FMN1: variants seen among roughly 807,000 people sequenced by gnomAD.
FMN1 encodes the protein formin-1.
FMN1 carries 110 observed loss-of-function variants against 132.4 expected under a neutral mutation model. The observed-to-expected ratio is 0.83, with a 90% CI of 0.71 to 0.97. FMN1 has a LOEUF of 0.97. FMN1 is among the 50% of genes least tolerant of loss of function. The probability of loss-of-function intolerance (pLI) is 0.00; values close to 1 mark genes in which losing one functional copy is unlikely to be tolerated. For synonymous variants in FMN1, 722 were observed against 651.7 expected, an observed-to-expected ratio of 1.11 and a Z score of -1.64; for missense variants, 1,792 against 1,705.3, an observed-to-expected ratio of 1.05 and a Z score of -0.90.
chr15:33,000,834 A>T (rs1302867521), intron 7 of FMN1, among the ~76,000 whole-genome samples: 2 of 152,220 alleles, frequency 1.3e-5, no homozygotes, highest in Admixed American at 6.5e-5. Flanking sequence ...GATATTTCTC[A>T]AATATATTTG....
At chr15:33,189,329 TA>T in intron 2 of FMN1, among the ~76,000 whole-genome samples, 1 of 152,344 alleles carries the variant, frequency 6.6e-6, no homozygotes, top group Admixed American at 6.5e-5. Flanking sequence ...GCCAATTCTG[TA>T]GATGAAATCC....
chr15:33,018,402 T>G (rs1012352566), intron 6 of FMN1, among the ~76,000 whole-genome samples: 4 of 151,982 alleles, frequency 2.6e-5, no homozygotes. Flanking sequence ...TCCCAACCTA[T>G]GGGGAGGGCA....
intron 7 of FMN1, among the ~76,000 whole-genome samples, chr15:32,984,043 T>G (rs1294383369): frequency 2.0e-5 from 3 of 152,190 alleles, no homozygotes; most frequent in African/African-American, 7.2e-5. Context: ...TTCCCCTGTC[T>G]CTACAGCCTG....
intron 6 of FMN1, among the ~76,000 whole-genome samples, chr15:33,023,055 C>T (rs1018633284): frequency 3.4e-5 from 3 of 88,094 alleles, no homozygotes; most frequent in East Asian, 2.4e-4. Context: ...CCCCCTCCCC[C>T]ACCCAAAAAA....
chr15:33,062,450 T>C (rs1358879022), intron 6 of FMN1, among the ~76,000 whole-genome samples: 1 of 151,932 alleles, frequency 6.6e-6, no homozygotes, highest in African/African-American at 2.4e-5. Flanking sequence ...TGAAACCCCG[T>C]CTCTACTAAA....
intron 18 of FMN1, among the ~76,000 whole-genome samples, chr15:32,802,642 G>A (rs1050948128): frequency 1.3e-5 from 2 of 152,188 alleles, no homozygotes; most frequent in Admixed American, 6.5e-5. Flanking sequence ...GCTAATGCAC[G>A]GCAGCAGTTT....
At chr15:33,072,091 A>C (rs532277066) in intron 5 of FMN1, among the ~76,000 whole-genome samples, 40 of 152,274 alleles carry the variant, frequency 2.6e-4, no homozygotes, top group African/African-American at 8.7e-4. Flanking sequence ...AACAAACAAA[A>C]AAACAACCTT....
In FMN1 at chr15:32,908,524, C is replaced by T. The variant is rs201072930; in HGVS notation, c.3343G>A (p.Glu1115Lys). The T allele has an allele frequency of 4.5e-5, 72 of 1,598,078 alleles. No individual in the cohort carries two copies. The highest frequency in any genetic ancestry group is 8.5e-5 in the Admixed American group (5 of 58,514). ...KIRKYYETSK[E>K]EELKLLDKPE... Reference sequence around the variant, plus strand: ...TTATCCAGCAGCTTCAGTTCTTCTTCTTTGGATGTCTCGTAATACTTTCTT... The same window carrying T: ...TTATCCAGCAGCTTCAGTTCTTCTTTTTTGGATGTCTCGTAATACTTTCTT... Residue 1115 changes from glutamate (E) to lysine (K), a missense_variant, in exon 12 of 21, where the codon GAA (glutamate) becomes AAA (lysine). By Grantham distance (56) the Glu-to-Lys change is moderately conservative (BLOSUM62 1). This residue lies in a region of FMN1 where 1,150 missense variants were observed against 1,043.1 expected (regional missense o/e 1.10). Transcript: ENST00000616417.
At chr15:33,163,592 CTGTTTTGTTT>C (rs71117113) in intron 3 of FMN1, among the ~76,000 whole-genome samples, 2,965 of 144,996 alleles carry the variant, frequency 0.02, 58 homozygotes, top group African/African-American at 0.051. Context: ...CCATGCCTGG[CTGTTTTGTTT>C]TGTTTTGTTT....
intron 5 of FMN1, among the ~76,000 whole-genome samples, chr15:33,078,690 A>T (rs1172964698): frequency 6.6e-6 from 1 of 152,078 alleles, no homozygotes; most frequent in Non-Finnish European, 1.5e-5. Flanking sequence ...ACTTTATGTT[A>T]ACATAGGAGT....
Position 32,774,120 on chromosome 15 carries a change from TC to T in FMN1, c.*189del, listed in dbSNP as rs780500629. On this transcript the variant is annotated 3_prime_UTR_variant, in exon 21 of 21. Coordinates refer to ENST00000616417, the MANE Select transcript of FMN1 (RefSeq NM_001277313.2). ...GTTCCCTTAAATAGTTTTCCATTGT[TC>T]CTGCGGCTTAATGAGGGACTTCTTA... 90 of 603,510 alleles carry T rather than the reference TC, an allele frequency of 1.5e-4. No homozygotes were observed. Among genetic ancestry groups the T allele is most frequent in the Middle Eastern group, 7.5e-4 (3 of 3,992 alleles). 37.4% of individuals were successfully genotyped at this position (603,510 alleles called of 1,614,324 possible). A position where few individuals can be genotyped will look rare whatever the true frequency, so the allele number is the denominator to read the frequency against.
chr15:32,957,998 A>C (rs1018212770), intron 9 of FMN1, among the ~76,000 whole-genome samples: 1 of 152,088 alleles, frequency 6.6e-6, no homozygotes, highest in African/African-American at 2.4e-5. Flanking sequence ...ATGCAATATA[A>C]ATTTGTAATA....
intron 15 of FMN1, among the ~76,000 whole-genome samples, chr15:32,889,802 G>T (rs1432513047): frequency 2.0e-5 from 3 of 152,138 alleles, no homozygotes; most frequent in African/African-American, 7.2e-5. Context: ...AGTTATTGGG[G>T]TAGAGGTGGT....
In FMN1 at chr15:33,016,486, C is replaced by T. The variant is rs1050824785; in HGVS notation, c.2162-8411G>A. Among the ~76,000 whole-genome samples, 3 of 152,280 alleles carry T rather than the reference C, an allele frequency of 2.0e-5. 1 individual carries two copies. Among genetic ancestry groups the T allele is most frequent in the Middle Eastern group, 6.8e-3 (2 of 294 alleles). ...AACAATGCAGTCCTTAGTAACTGTG[C>T]AGTTTGAAGAAAGCATAACCGGTTT... is the stretch of plus-strand genomic sequence containing the variant. On this transcript the variant is annotated intron_variant, in intron 6 of 20. Transcript: ENST00000616417.
At chr15:32,880,496 G>T (rs1596162380) in intron 16 of FMN1, among the ~76,000 whole-genome samples, 1 of 152,034 alleles carries the variant, frequency 6.6e-6, no homozygotes. Context: ...GCCATCCTGG[G>T]CTTTTTCTCT....
intron 6 of FMN1, among the ~76,000 whole-genome samples, chr15:33,053,870 G>A (rs983964691): frequency 6.6e-5 from 10 of 151,580 alleles, no homozygotes; most frequent in African/African-American, 2.2e-4. Context: ...CTATGGTTTA[G>A]CGTTCTTTCC....
chr15:33,030,422 C>T (rs924902832), intron 6 of FMN1, among the ~76,000 whole-genome samples: 6 of 152,158 alleles, frequency 3.9e-5, no homozygotes, highest in African/African-American at 7.2e-5. Context: ...TGAAAAATCA[C>T]GTCACTCTGT....
intron 7 of FMN1, among the ~76,000 whole-genome samples, chr15:32,993,835 C>T (rs1410260188): frequency 6.8e-6 from 1 of 147,174 alleles, no homozygotes; most frequent in Non-Finnish European, 1.5e-5. Flanking sequence ...TGGACAGCTG[C>T]AGTACTCCCT....
intron 4 of FMN1, chr15:33,150,083 A>G: frequency 1.0e-6 from 1 of 985,486 alleles, no homozygotes; most frequent in Non-Finnish European, 1.2e-6. Context: ...CAGTCAAAGG[A>G]AAACAACCAC....
Sources: allele counts gnomAD v4.1 joint callset (sites outside exome capture counted in the v4.1 genomes callset), GRCh38; gene constraint gnomAD v4.1.1; regional missense constraint gnomAD v4.1.1; transcripts MANE v1.5; gene names NCBI Gene and HGNC (gene_info 2026-07-23, HGNC 2026-07-21).